The following FOXP2 variants were observed in gnomAD, a reference collection of about 807,000 sequenced individuals.
The protein encoded by FOXP2 is forkhead box protein P2.
A neutral mutation model predicts 115.8 loss-of-function variants in FOXP2; 12 were observed. The ratio of observed to expected loss-of-function variants is 0.10; its 90% CI spans 0.07 to 0.17. The LOEUF (loss-of-function observed/expected upper bound fraction) is 0.17, where lower values mean the gene tolerates loss of function less well. Among genes scored for constraint, FOXP2 ranks in the 10% least tolerant of loss-of-function variants. The probability of loss-of-function intolerance (pLI) is 1.00; values close to 1 mark genes in which losing one functional copy is unlikely to be tolerated. For synonymous variants in FOXP2, 328 were observed against 297.7 expected (o/e 1.10, Z -1.05); for missense variants, 629 against 843.5 (o/e 0.75, Z 3.15).
chr7:114,355,606 A>T (rs778242379), intron 2 of FOXP2, among the ~76,000 whole-genome samples: 2 of 152,070 alleles, frequency 1.3e-5, no homozygotes, highest in Non-Finnish European at 2.9e-5. Flanking sequence ...GAAACATGTT[A>T]CAGAGCTGCT....
intron 1 of FOXP2, among the ~76,000 whole-genome samples, chr7:114,269,857 T>G (rs1278980775): frequency 6.6e-6 from 1 of 152,160 alleles, no homozygotes; most frequent in Non-Finnish European, 1.5e-5. Context: ...TCACTAGAGC[T>G]CTATGTTTGC....
intron 1 of FOXP2, among the ~76,000 whole-genome samples, chr7:114,243,430 T>G (rs1405740770): frequency 1.3e-5 from 2 of 152,098 alleles, no homozygotes; most frequent in Non-Finnish European, 2.9e-5. Context: ...TTGTATGTCT[T>G]TAGTTTGCTT....
At chr7:114,260,190 C>CTTT (rs373335036) in intron 1 of FOXP2, among the ~76,000 whole-genome samples, 3 of 136,812 alleles carry the variant, frequency 2.2e-5, no homozygotes, top group Admixed American at 7.4e-5. Flanking sequence ...TGCGCCCAGC[C>CTTT]TTTTTTTTTT....
At chr7:114,390,959 T>C (rs1818999) in intron 2 of FOXP2, among the ~76,000 whole-genome samples, 71,120 of 151,902 alleles carry the variant, frequency 0.47, 19,483 homozygotes, top group East Asian at 0.95. Context: ...GAGGCTGAGG[T>C]GGGCAGATCA....
intron 3 of FOXP2, among the ~76,000 whole-genome samples, chr7:114,566,724 A>C (rs76594164): frequency 0.016 from 2,490 of 152,204 alleles, 63 homozygotes; most frequent in African/African-American, 0.053. Flanking sequence ...TATTCCATTC[A>C]GATATTATTT....
At chr7:114,233,377 G>C (rs560537290) in intron 1 of FOXP2, among the ~76,000 whole-genome samples, 1 of 152,232 alleles carries the variant, frequency 6.6e-6, no homozygotes, top group African/African-American at 2.4e-5. Context: ...TTTAAGTATA[G>C]TAGCACTTGT....
At chr7:114,542,932 G>A (rs555090012) in intron 3 of FOXP2, among the ~76,000 whole-genome samples, 18 of 151,498 alleles carry the variant, frequency 1.2e-4, no homozygotes, top group South Asian at 6.3e-4. Flanking sequence ...CTGGGGTCAC[G>A]GGCATGCACC....
intron 1 of FOXP2, among the ~76,000 whole-genome samples, chr7:114,243,859 C>G (rs1303511285): frequency 1.3e-5 from 2 of 151,074 alleles, no homozygotes; most frequent in Non-Finnish European, 2.9e-5. Context: ...AAAGAAGTCA[C>G]TGAGCCAGAT....
intron 3 of FOXP2, among the ~76,000 whole-genome samples, chr7:114,614,709 A>G (rs1211616219): frequency 1.3e-5 from 2 of 152,200 alleles, no homozygotes; most frequent in Non-Finnish European, 2.9e-5. Context: ...TCACATAACA[A>G]TTCAATCAGA....
chr7:114,532,045 A>G (rs1162774295), intron 2 of FOXP2, among the ~76,000 whole-genome samples: 2 of 151,930 alleles, frequency 1.3e-5, no homozygotes, highest in South Asian at 2.1e-4. Context: ...TGTGACTTCA[A>G]TCAACTCATC....
intron 2 of FOXP2, among the ~76,000 whole-genome samples, chr7:114,479,604 CTG>C (rs1796434720): frequency 6.7e-6 from 1 of 149,834 alleles, no homozygotes. Flanking sequence ...GGGAGATTGA[CTG>C]TTATTATTTT....
intron 2 of FOXP2, among the ~76,000 whole-genome samples, chr7:114,319,781 C>G (rs939000942): frequency 6.6e-6 from 1 of 152,118 alleles, no homozygotes; most frequent in African/African-American, 2.4e-5. Flanking sequence ...CTAGAAAAAT[C>G]AATAAAGAAA....
rs1798277433 is a variant in FOXP2 at position 114,515,297 on chromosome 7, A to T, written c.169-19320A>T. Among the ~76,000 whole-genome samples the T allele has an allele frequency of 7.3e-5, 11 of 151,218 alleles. No homozygotes were observed. In the South Asian group the frequency reaches 2.3e-3, roughly 32 times the overall value. On this transcript the variant is annotated intron_variant, in intron 2 of 16. Coordinates refer to ENST00000350908, the MANE Select transcript of FOXP2 (RefSeq NM_014491.4). Reference sequence around the variant, plus strand: ...AGATCCCTGAGGAATCGCCACACTGACTTCCACAAGGGTTGAACTAGTTTA... The same window carrying T: ...AGATCCCTGAGGAATCGCCACACTGTCTTCCACAAGGGTTGAACTAGTTTA...
intron 2 of FOXP2, among the ~76,000 whole-genome samples, chr7:114,376,732 C>G (rs1792146798): frequency 6.6e-6 from 1 of 152,124 alleles, no homozygotes. Context: ...ACACTCAGGG[C>G]TGACCATGAA....
At chr7:114,572,767 T>G (rs959812724) in intron 3 of FOXP2, among the ~76,000 whole-genome samples, 2 of 151,954 alleles carry the variant, frequency 1.3e-5, no homozygotes, top group Non-Finnish European at 1.5e-5. Context: ...GTTCTACTGA[T>G]GAGAGAAAAG....
chr7:114,193,488 G>T (rs1793819861), intron 1 of FOXP2, among the ~76,000 whole-genome samples: 1 of 151,632 alleles, frequency 6.6e-6, no homozygotes, highest in South Asian at 2.1e-4. Context: ...ATCTGTGTGT[G>T]ATATAATTAC....
chr7:114,672,448 G>A (rs534047048), intron 16 of FOXP2, among the ~76,000 whole-genome samples: 87 of 152,160 alleles, frequency 5.7e-4, no homozygotes, highest in African/African-American at 1.8e-3. Context: ...AGCTGGGCAC[G>A]GTGGTGGGGG....
At chr7:114,557,427 G>A (rs1800518847) in intron 3 of FOXP2, among the ~76,000 whole-genome samples, 3 of 152,096 alleles carry the variant, frequency 2.0e-5, no homozygotes, top group Admixed American at 1.3e-4. Flanking sequence ...TATATCATCT[G>A]TGAAATTATG....
At chr7:114,583,532 C>G (rs1801973779) in intron 3 of FOXP2, among the ~76,000 whole-genome samples, 1 of 152,126 alleles carries the variant, frequency 6.6e-6, no homozygotes, top group African/African-American at 2.4e-5. Context: ...ACCCCTAGGC[C>G]TTACTATCAA....
Sources: gnomAD v4.1 joint callset for allele counts (sites outside exome capture counted in the v4.1 genomes callset) on GRCh38, gnomAD v4.1.1 for gene constraint, MANE v1.5 for transcripts, NCBI Gene and HGNC (gene_info 2026-07-23, HGNC 2026-07-21) for gene names.